Variants in BLNK observed in about 807,000 individuals in gnomAD.
The protein encoded by BLNK is B-cell linker protein.
In BLNK, 29 loss-of-function variants were observed where a neutral mutation model predicts 73.5. The observed-to-expected ratio is 0.39, with a 90% CI of 0.29 to 0.54. BLNK has a LOEUF of 0.54. BLNK is among the 20% of genes least tolerant of loss of function. The pLI is 0.61. For synonymous variants in BLNK, 176 were observed against 200.8 expected (o/e 0.88, Z 1.04); for missense variants, 460 against 562.8 (o/e 0.82, Z 1.85).
At position 96,213,778 on chromosome 10, in the gene BLNK, A is replaced by C. The variant is rs587593854; in HGVS notation, c.676+1543T>G. Among the ~76,000 whole-genome samples, 55 of 152,316 alleles carry C rather than the reference A, an allele frequency of 3.6e-4. 2 individuals carry two copies. In the South Asian group the frequency reaches 0.011, roughly 31 times the overall value. ...TTCTATTCCAGTAACAACAGCCCTC[A>C]TCCTGAGTTATCGGGAGTTAGGAGT... On this transcript the variant is annotated intron_variant, in intron 8 of 16. Transcript: ENST00000224337.
rs782063820 is a variant in BLNK, at chr10:96,192,113, T to G, written c.1252-21A>C. On this transcript the variant is annotated intron_variant, in intron 16 of 16. Transcript: ENST00000224337. ...AAGTACTAGAGGAAGAAAACATAGA[T>G]GAATTATACTTTGGCATTTGTGTTA... 1.9e-6 allele frequency: 3 copies of G among 1,613,112 alleles called. No homozygotes were observed. The South Asian group carries it at 3.3e-5, about 18-fold the overall frequency.
At chr10:96,229,703 C>T (rs1210992821) in intron 4 of BLNK, among the ~76,000 whole-genome samples, 13 of 142,762 alleles carry the variant, frequency 9.1e-5, no homozygotes, top group East Asian at 8.3e-4. Flanking sequence ...TGTGCACGCG[C>T]GTGCGCAGCC....
intron 1 of BLNK, among the ~76,000 whole-genome samples, chr10:96,261,579 G>A (rs1340334914): frequency 2.0e-5 from 3 of 152,168 alleles, no homozygotes; most frequent in Admixed American, 6.5e-5. Context: ...GATGATCTTC[G>A]AGTATGAAGA....
intron 3 of BLNK, among the ~76,000 whole-genome samples, chr10:96,233,647 C>G (rs894077951): frequency 9.2e-5 from 14 of 152,224 alleles, no homozygotes; most frequent in Non-Finnish European, 1.9e-4. Flanking sequence ...AAATCCCTAT[C>G]ACTCCTCCTC....
intron 1 of BLNK, among the ~76,000 whole-genome samples, chr10:96,264,333 T>C (rs79003545): frequency 1.3e-4 from 20 of 152,250 alleles, no homozygotes; most frequent in Non-Finnish European, 2.5e-4. Flanking sequence ...GACGGAGTCT[T>C]GGTTAGGTGG....
intron 9 of BLNK, among the ~76,000 whole-genome samples, chr10:96,208,252 C>T (rs1285923149): frequency 6.6e-6 from 1 of 152,088 alleles, no homozygotes; most frequent in Non-Finnish European, 1.5e-5. Flanking sequence ...GGACCAGGAT[C>T]AGTATTTTCA....
chr10:96,258,762 T>C (rs1554911863), intron 1 of BLNK, among the ~76,000 whole-genome samples: 2 of 152,228 alleles, frequency 1.3e-5, no homozygotes, highest in East Asian at 3.8e-4. Context: ...CAGCATTTAT[T>C]GAGCATGTAC....
At chr10:96,254,990 A>G (rs1554910659) in intron 1 of BLNK, among the ~76,000 whole-genome samples, 1 of 152,128 alleles carries the variant, frequency 6.6e-6, no homozygotes, top group Non-Finnish European at 1.5e-5. Flanking sequence ...GACCATTTAA[A>G]CCAGAGTCAT....
At chr10:96,216,225 C>G (rs587723670) in intron 7 of BLNK, 31 of 214,870 alleles carry the variant, frequency 1.4e-4, no homozygotes, top group Non-Finnish European at 8.5e-5. Context: ...TATCATACTA[C>G]TAAATTTAAA....
intron 1 of BLNK, among the ~76,000 whole-genome samples, chr10:96,270,843 G>C (rs953276932): frequency 6.6e-6 from 1 of 152,122 alleles, no homozygotes; most frequent in African/African-American, 2.4e-5. Flanking sequence ...ATTGACATGA[G>C]GGCATTGGAA....
At chr10:96,193,122 A>G (rs2083370109) in intron 16 of BLNK, among the ~76,000 whole-genome samples, 1 of 152,246 alleles carries the variant, frequency 6.6e-6, no homozygotes, top group Non-Finnish European at 1.5e-5. Context: ...ATATTCAGTC[A>G]GGGAGAGAGG....
intron 2 of BLNK, among the ~76,000 whole-genome samples, chr10:96,245,738 T>C (rs1554907448): frequency 6.6e-6 from 1 of 152,196 alleles, no homozygotes; most frequent in Admixed American, 6.5e-5. Context: ...TATGATACCA[T>C]TTATGACGAA....
At chr10:96,251,206 TG>T (rs1843270146) in intron 1 of BLNK, among the ~76,000 whole-genome samples, 1 of 152,250 alleles carries the variant, frequency 6.6e-6, no homozygotes, top group Admixed American at 6.5e-5. Flanking sequence ...CAAACTTCTG[TG>T]ATCTGGGAAG....
chr10:96,201,035 T>G lies in BLNK; in HGVS notation c.958A>C (p.Thr320Pro). 6.2e-7 allele frequency: 1 copy of G among 1,614,158 alleles called. No homozygotes were observed. Among genetic ancestry groups the G allele is most frequent in the South Asian group, 1.1e-5 (1 of 91,084 alleles). ...AAGCTGGGTAGGGGCCCATCCACAG[T>G]TGGGTTTCCCCCTTCTGTAAATCCT... ...LPRFTEGGNP[T>P]VDGPLPSFSS... Residue 320 changes from threonine (T) to proline (P), a missense_variant, in exon 14 of 17, where the codon ACT becomes CCT. Around this residue, in one of 3 missense-constraint regions of BLNK, gnomAD observed 233 missense variants for 232.1 expected, o/e 1.00. Transcript: ENST00000224337.
chr10:96,241,083 G>A (rs11591826), intron 3 of BLNK, among the ~76,000 whole-genome samples: 3 of 152,244 alleles, frequency 2.0e-5, no homozygotes, highest in Non-Finnish European at 4.4e-5. Flanking sequence ...CTGTGAATTA[G>A]TGAGTGGTCC....
intron 1 of BLNK, among the ~76,000 whole-genome samples, chr10:96,255,926 C>A (rs1843488545): frequency 1.3e-5 from 2 of 152,194 alleles, no homozygotes; most frequent in Non-Finnish European, 1.5e-5. Context: ...AGCTTTTTGT[C>A]ATGGCTCAGT....
intron 6 of BLNK, 118 bp from the exon 7 acceptor site, chr10:96,216,852 T>A: frequency 1.2e-6 from 1 of 849,178 alleles, no homozygotes; most frequent in Non-Finnish European, 2.0e-6. Flanking sequence ...CATAAAATTC[T>A]ACTATGTAAA....
rs1554895990 is a variant in BLNK, at chr10:96,201,006, T to A, written c.987A>T (p.Ser329=). The part of the protein sequence containing the change: ...PTVDGPLPSF[S]SNSTISEQEA... ...CCTGTTCTGAAATAGTGGAATTAGATGAAAAGCTGGGTAGGGGCCCATCCA... is the reference window on the plus strand; with the variant it reads ...CCTGTTCTGAAATAGTGGAATTAGAAGAAAAGCTGGGTAGGGGCCCATCCA... The change falls in exon 14 of 17, where the codon TCA becomes TCT. Residue 329 remains serine, a synonymous_variant. Coordinates refer to ENST00000224337, the MANE Select transcript of BLNK (RefSeq NM_013314.4). 3 of 1,614,046 alleles carry A rather than the reference T, an allele frequency of 1.9e-6. No homozygotes were observed. The highest frequency in any genetic ancestry group is 1.3e-5 in the African/African-American group (1 of 74,936).
Position 96,193,231 on chromosome 10 carries a change from A to G in BLNK, c.1252-1139T>C, listed in dbSNP as rs782435586. 1.9e-4 allele frequency among the ~76,000 whole-genome samples: 29 copies of G among 152,350 alleles called. No individual in the cohort carries two copies. The highest frequency in any genetic ancestry group is 3.9e-4 in the East Asian group (2 of 5,192). The stretch of plus-strand genomic sequence containing the variant: ...ATTGCCAAAGAAATTCTTTCATTAT[A>G]AATCCCATTAAACATTCATTCTGCT... On this transcript the variant is annotated intron_variant, in intron 16 of 16. Coordinates refer to ENST00000224337, the MANE Select transcript of BLNK (RefSeq NM_013314.4).
Sources: allele counts gnomAD v4.1 joint callset (sites outside exome capture counted in the v4.1 genomes callset), GRCh38; gene constraint gnomAD v4.1.1; regional missense constraint gnomAD v4.1.1; transcripts MANE v1.5; gene names NCBI Gene and HGNC (gene_info 2026-07-23, HGNC 2026-07-21).